Variants in FER1L5 observed in about 807,000 individuals in gnomAD.
FER1L5 encodes fer-1 like family member 5, also known as fer-1-like protein 5.
A neutral mutation model predicts 279.9 loss-of-function variants in FER1L5; 187 were observed. The observed-to-expected ratio is 0.67, with a 90% CI of 0.59 to 0.75. FER1L5 has a LOEUF of 0.75. Among genes scored for constraint, FER1L5 ranks in the 30% least tolerant of loss-of-function variants. The pLI is 0.00. For synonymous variants in FER1L5, 921 were observed against 989.7 expected (o/e 0.93, Z 1.30); for missense variants, 2,091 against 2,594.4 (o/e 0.81, Z 4.21).
At chr2:96,659,338 C>CTTCCTTCCTTCCTTCCTTCA (rs1558853144) in intron 9 of FER1L5, among the ~76,000 whole-genome samples, 1 of 81,260 alleles carries the variant, frequency 1.2e-5, no homozygotes, top group Non-Finnish European at 2.3e-5. Flanking sequence ...TCCTTCCTTC[C>CTTCCTTCCTTCCTTCCTTCA]TTCCTTCCTT....
Position 96,698,301 on chromosome 2 carries a change from C to T in FER1L5, c.4356+145C>T, listed in dbSNP as rs2077458349. 4.7e-6 allele frequency: 6 copies of T among 1,281,408 alleles called. No homozygotes were observed. The highest frequency in any genetic ancestry group is 6.3e-6 in the Non-Finnish European group (6 of 953,216). 79.4% of individuals were successfully genotyped at this position (1,281,408 alleles called of 1,614,324 possible). A position where few individuals can be genotyped will look rare whatever the true frequency, so the allele number is the denominator to read the frequency against. ...TTCTGGGAGTGGAGGAGCAGAGATT[C>T]GCCTCCACAGGAACTCGGGGAGCGC... On this transcript the variant is annotated intron_variant, in intron 40 of 52. Coordinates refer to ENST00000624922, the MANE Select transcript of FER1L5 (RefSeq NM_001293083.2). This position sits in a 1 kb window ranked among gnomAD's most constrained non-coding sequence, Gnocchi z 5.5.
Position 96,647,795 on chromosome 2 carries a change from C to T in FER1L5, c.248C>T (p.Thr83Ile), listed in dbSNP as rs2075201839. ...CTCCCCAGATTCATTGGCCTGGCCA[C>T]AGTACTGCTCAAGCCATTGTTGAAA... is the stretch of plus-strand genomic sequence containing the variant. ...QKKERFIGLA[T>I]VLLKPLLKQP... The change falls in exon 4 of 53, where the codon ACA becomes ATA. Residue 83 changes from threonine to isoleucine, a missense_variant. Coordinates refer to ENST00000624922, the MANE Select transcript of FER1L5 (RefSeq NM_001293083.2). The T allele has an allele frequency of 1.3e-6, 2 of 1,551,566 alleles. No individual in the cohort carries two copies. Among genetic ancestry groups the T allele is most frequent in the South Asian group, 1.2e-5 (1 of 84,062 alleles).
Position 96,670,114 on chromosome 2 carries a change from C to G in FER1L5, c.1363-5C>G. The G allele has an allele frequency of 6.4e-7, 1 of 1,551,540 alleles. No individual in the cohort carries two copies. Among genetic ancestry groups the G allele is most frequent in the South Asian group, 1.2e-5 (1 of 84,048 alleles). Reference sequence around the variant, plus strand: ...TTTTCTCCGTTTTCCTCTCGCTTGCCCTAGTGTATTCCCGACTCTGTTAGG... The same window carrying G: ...TTTTCTCCGTTTTCCTCTCGCTTGCGCTAGTGTATTCCCGACTCTGTTAGG... On this transcript the variant is annotated splice_region_variant and splice_polypyrimidine_tract_variant and intron_variant, in intron 17 of 52. Coordinates refer to ENST00000624922, the MANE Select transcript of FER1L5 (RefSeq NM_001293083.2).
At chr2:96,650,159 C>T in intron 5 of FER1L5, 21 bp from the exon 6 acceptor site, 1 of 1,545,540 alleles carries the variant, frequency 6.5e-7, no homozygotes, top group Non-Finnish European at 8.8e-7. Flanking sequence ...TCTGACCCCA[C>T]CCTGCACTGT....
At position 96,703,641 on chromosome 2, in the gene FER1L5, C is replaced by A. The variant is rs750836456; in HGVS notation, c.5801+9C>A. The A allele has an allele frequency of 6.2e-7, 1 of 1,612,922 alleles. No homozygotes were observed. Among genetic ancestry groups the A allele is most frequent in the Non-Finnish European group, 8.5e-7 (1 of 1,179,008 alleles). On this transcript the variant is annotated intron_variant, in intron 51 of 52. Transcript: ENST00000624922. Reference sequence around the variant, plus strand: ...ACACTTCATCCTCCCCTGTAAGGGTCCTTGGGGCAAAAGCACCAGATCTTT... The same window carrying A: ...ACACTTCATCCTCCCCTGTAAGGGTACTTGGGGCAAAAGCACCAGATCTTT...
At chr2:96,647,691 C>A in intron 3 of FER1L5, 87 bp from the exon 4 acceptor site, 1 of 964,062 alleles carries the variant, frequency 1.0e-6, no homozygotes, top group Non-Finnish European at 1.6e-6. Flanking sequence ...TGGGAGGAAA[C>A]CGTCTCTAGC....
chr2:96,689,617 G>A lies in FER1L5; in HGVS notation c.2526-27G>A. On this transcript the variant is annotated intron_variant, in intron 25 of 52. Transcript: ENST00000624922. This position sits in a 1 kb window ranked among gnomAD's most constrained non-coding sequence, Gnocchi z 4.6. ...TAGGGGCTGCTTGGGGAGTTGTGCT[G>A]GGAACTTGGGGTCTCATTACCCCCA... 1 of 1,543,196 alleles carries A rather than the reference G, an allele frequency of 6.5e-7. No individual in the cohort carries two copies. Among genetic ancestry groups the A allele is most frequent in the Non-Finnish European group, 8.8e-7 (1 of 1,140,024 alleles).
In FER1L5 at chr2:96,694,758, A is replaced by C. The variant is rs900552831; in HGVS notation, c.3741+294A>C. Reference sequence around the variant, plus strand: ...GTAGCAACTACTTTGCAGAGAAGGAAATAGAGGCTCCAAGAGATAACACAT... The same window carrying C: ...GTAGCAACTACTTTGCAGAGAAGGACATAGAGGCTCCAAGAGATAACACAT... On this transcript the variant is annotated intron_variant, in intron 34 of 52. Transcript: ENST00000624922. The surrounding 1 kb of genome is among the most constrained non-coding windows in gnomAD (Gnocchi z 4.6). The C allele has an allele frequency of 1.4e-4, 37 of 273,634 alleles. No individual in the cohort carries two copies. Among genetic ancestry groups the C allele is most frequent in the African/African-American group, 8.1e-4 (37 of 45,704 alleles). 17.0% of individuals were successfully genotyped at this position (273,634 alleles called of 1,614,324 possible).
intron 1 of FER1L5, among the ~76,000 whole-genome samples, chr2:96,643,686 C>A (rs1385912026): frequency 6.6e-6 from 1 of 151,926 alleles, no homozygotes; most frequent in Non-Finnish European, 1.5e-5. Context: ...ATGTCTGCTC[C>A]TCACAGCAAT....
In FER1L5 at chr2:96,702,381, G is replaced by A. The variant is rs529195679; in HGVS notation, c.5235G>A (p.Thr1745=). ...ATGACAATTTAAGTAGAGAGAAGAC[G>A]AGCGACATCTACATCAAAGGGTAGG... is the stretch of plus-strand genomic sequence containing the variant. ...LVDDNLSREK[T]SDIYIKGWLY... is the part of the protein sequence containing the mutation. The change falls in exon 47 of 53, where the codon ACG becomes ACA. Residue 1745 remains threonine (T), a synonymous_variant. Coordinates refer to ENST00000624922, the MANE Select transcript of FER1L5 (RefSeq NM_001293083.2). This position sits in a 1 kb window ranked among gnomAD's most constrained non-coding sequence, Gnocchi z 4.0. 4.7e-5 allele frequency: 75 copies of A among 1,612,436 alleles called. No homozygotes were observed. The highest frequency in any genetic ancestry group is 2.4e-4 in the African/African-American group (18 of 75,008).
intron 19 of FER1L5, among the ~76,000 whole-genome samples, chr2:96,679,358 A>G (rs1316423413): frequency 6.6e-6 from 1 of 151,958 alleles, no homozygotes; most frequent in Non-Finnish European, 1.5e-5. Flanking sequence ...TGAGTAGCTG[A>G]GATTACAGGC....
At position 96,698,112 on chromosome 2, in the gene FER1L5, C is replaced by G. The variant is rs760559628; in HGVS notation, c.4312C>G (p.Gln1438Glu). Residue 1438 changes from glutamine to glutamate, a missense_variant, in exon 40 of 53, where the codon CAG (glutamine) becomes GAG (glutamate). Physicochemically the swap from Gln to Glu is conservative, Grantham distance 29 (BLOSUM62 2). Transcript: ENST00000624922. The surrounding 1 kb of genome is among the most constrained non-coding windows in gnomAD (Gnocchi z 5.5). ...CTTCTGCCAGACCTTCAAACTCTAC[C>G]AGGAGCAGCCCAAGTTGGACAGCCC... The part of the protein sequence containing the change: ...QDFCQTFKLY[Q>E]EQPKLDSPVV... The G allele has an allele frequency of 5.0e-5, 80 of 1,584,768 alleles. No homozygotes were observed. In the Admixed American group the frequency reaches 1.4e-3, roughly 28 times the overall value.
In FER1L5 at chr2:96,670,437, G is replaced by A. The variant is rs117028505; in HGVS notation, c.1491+190G>A. Reference sequence around the variant, plus strand: ...GTGGCTTCATGCTGCACCAAATCCCGGTGGTTGGGGGACCCTGATGGAAAA... The same window carrying A: ...GTGGCTTCATGCTGCACCAAATCCCAGTGGTTGGGGGACCCTGATGGAAAA... On this transcript the variant is annotated intron_variant, in intron 18 of 52. Transcript: ENST00000624922. Among the ~76,000 whole-genome samples the A allele has an allele frequency of 3.7e-4, 57 of 152,208 alleles. 1 individual carries two copies. In the East Asian group the frequency reaches 7.4e-3, roughly 20 times the overall value.
intron 19 of FER1L5, among the ~76,000 whole-genome samples, chr2:96,678,361 G>A (rs1446632527): frequency 2.0e-5 from 3 of 152,070 alleles, no homozygotes; most frequent in African/African-American, 7.2e-5. Flanking sequence ...AAACTCCTGG[G>A]CTCAAGCAAT....
rs551147801 is a variant in FER1L5 at position 96,651,892 on chromosome 2, G to A, written c.505G>A (p.Val169Ile). The change falls in exon 7 of 53, where the codon GTT becomes ATT. Residue 169 changes from valine to isoleucine, a missense_variant and splice_region_variant. Physicochemically the swap from Val to Ile is conservative, Grantham distance 29. Coordinates refer to ENST00000624922, the MANE Select transcript of FER1L5 (RefSeq NM_001293083.2). Reference sequence around the variant, plus strand: ...AGCTCCCCATGTGTTCCGCCCTTAGGTTCGAGTGAAGGTGTTTGAAGCCCG... The same window carrying A: ...AGCTCCCCATGTGTTCCGCCCTTAGATTCGAGTGAAGGTGTTTGAAGCCCG... ...ALSSKPQHFQ[V>I]RVKVFEARQL... 909 of 1,552,076 alleles carry A rather than the reference G, an allele frequency of 5.9e-4. 11 individuals are homozygous for A. Among genetic ancestry groups the A allele is most frequent in the South Asian group, 5.1e-3 (428 of 84,058 alleles).
Position 96,668,951 on chromosome 2 carries a change from C to A in FER1L5, c.1250C>A (p.Thr417Asn), listed in dbSNP as rs1321036657. The change falls in exon 16 of 53, where the codon ACC (threonine) becomes AAC (asparagine). Residue 417 changes from threonine (T) to asparagine (N), a missense_variant. Thr to Asn is a moderately conservative substitution (Grantham distance 65). Transcript: ENST00000624922. The stretch of plus-strand genomic sequence containing the variant: ...CTGTCCCTCAACCAGATCTCGTCCA[C>A]CGGAGAAGAGATAGAAGGCAAGCAA... ...ASLSLNQISS[T>N]GEEIEGVYSG... 1 of 1,551,656 alleles carries A rather than the reference C, an allele frequency of 6.4e-7. No homozygotes were observed. The highest frequency in any genetic ancestry group is 1.2e-5 in the South Asian group (1 of 84,050).
At chr2:96,686,670 A>G (rs2076937610) in intron 23 of FER1L5, among the ~76,000 whole-genome samples, 1 of 152,046 alleles carries the variant, frequency 6.6e-6, no homozygotes, top group Non-Finnish European at 1.5e-5. Context: ...AGCCTGACCA[A>G]CTTGGTGAAA....
intron 14 of FER1L5, 37 bp from the exon 15 acceptor site, chr2:96,668,714 A>G (rs190926653): frequency 6.4e-7 from 1 of 1,550,832 alleles, no homozygotes; most frequent in Admixed American, 2.0e-5. Context: ...GACCATCCCA[A>G]TGTGTACCCA....
chr2:96,646,388 G>T lies in FER1L5; in HGVS notation c.86-13G>T. The stretch of plus-strand genomic sequence containing the variant: ...TTCCTACCATCAATGCCAGCCTCTT[G>T]GTTTCTTTGCAGATATCAAGAAAAG... On this transcript the variant is annotated splice_polypyrimidine_tract_variant and intron_variant, in intron 1 of 52. Transcript: ENST00000624922. 6.4e-7 allele frequency: 1 copy of T among 1,551,408 alleles called. No individual in the cohort carries two copies. Among genetic ancestry groups the T allele is most frequent in the Non-Finnish European group, 8.7e-7 (1 of 1,146,804 alleles).
Sources: gnomAD v4.1 joint callset for allele counts (sites outside exome capture counted in the v4.1 genomes callset) on GRCh38, gnomAD v4.1.1 for gene constraint, Gnocchi (gnomAD v3.1) non-coding constraint, MANE v1.5 for transcripts, NCBI Gene and HGNC (gene_info 2026-07-23, HGNC 2026-07-21) for gene names.